RALGPS2: variants seen among roughly 807,000 people sequenced by gnomAD.
The protein encoded by RALGPS2 is ras-specific guanine nucleotide-releasing factor RalGPS2.
A neutral mutation model predicts 86.8 loss-of-function variants in RALGPS2; 43 were observed. That is an observed-to-expected ratio of 0.50 (90% CI 0.39 to 0.64). RALGPS2 has a LOEUF of 0.64. Ranked by LOEUF, RALGPS2 falls within the 30% of genes least tolerant of loss-of-function variation. The probability of loss-of-function intolerance (pLI) is 0.00; values close to 1 mark genes in which losing one functional copy is unlikely to be tolerated. For missense variants in RALGPS2, 536 were observed against 694.6 expected, an observed-to-expected ratio of 0.77 and a Z score of 2.57; for synonymous variants, 243 against 231.3, an observed-to-expected ratio of 1.05 and a Z score of -0.46.
chr1:178,806,288 A>G (rs1307938263), intron 4 of RALGPS2, among the ~76,000 whole-genome samples: 1 of 152,214 alleles, frequency 6.6e-6, no homozygotes, highest in African/African-American at 2.4e-5. Context: ...TGTTGGATAT[A>G]GAATTCTAGA....
rs12123784 is a variant in RALGPS2 at position 178,850,503 on chromosome 1, G to A, written c.607+16953G>A. 2.0e-5 allele frequency: 3 copies of A among 150,388 alleles called. No individual in the cohort carries two copies. In the East Asian group the frequency reaches 5.8e-4, roughly 29 times the overall value. 9.3% of individuals were successfully genotyped at this position (150,388 alleles called of 1,614,324 possible). A position where few individuals can be genotyped will look rare whatever the true frequency, so the allele number is the denominator to read the frequency against. On this transcript the variant is annotated intron_variant, in intron 8 of 19. Coordinates refer to ENST00000367635, the MANE Select transcript of RALGPS2 (RefSeq NM_152663.5). ...TTTAAATTATGCATGCATTATTTTT[G>A]GGTTTTTTTTTATTTTTAAAAATGA...
intron 2 of RALGPS2, 111 bp downstream of exon 2, chr1:178,776,932 C>A: frequency 1.3e-6 from 1 of 778,678 alleles, no homozygotes; most frequent in South Asian, 1.9e-5. Flanking sequence ...TGCAGAAATA[C>A]ACATTTCCTT....
At chr1:178,728,819 A>G (rs565810403) in intron 1 of RALGPS2, among the ~76,000 whole-genome samples, 38 of 152,194 alleles carry the variant, frequency 2.5e-4, no homozygotes, top group Non-Finnish European at 5.4e-4. Context: ...TGATTTAGGA[A>G]AACTTTTAAC....
chr1:178,877,656 G>C, intron 9 of RALGPS2, 21 bp downstream of exon 9: 1 of 1,610,936 alleles, frequency 6.2e-7, no homozygotes. Flanking sequence ...AGGGGATAAT[G>C]CCAAGCCATT....
chr1:178,829,964 C>T (rs759943114), intron 7 of RALGPS2, among the ~76,000 whole-genome samples: 4 of 152,000 alleles, frequency 2.6e-5, no homozygotes, highest in Non-Finnish European at 4.4e-5. Flanking sequence ...AGGCTGGTCT[C>T]GAACTCCTGA....
chr1:178,893,821 A>T, intron 15 of RALGPS2, 98 bp from the exon 16 acceptor site: 1 of 790,964 alleles, frequency 1.3e-6, no homozygotes, highest in East Asian at 2.8e-5. Context: ...TAAAGTAACA[A>T]ACTTTTAAAA....
At chr1:178,810,615 A>C (rs1654932478) in intron 5 of RALGPS2, among the ~76,000 whole-genome samples, 1 of 151,798 alleles carries the variant, frequency 6.6e-6, no homozygotes, top group African/African-American at 2.4e-5. Context: ...AACAAGTATT[A>C]AGGTGACTTT....
chr1:178,727,289 T>A (rs1650078670), intron 1 of RALGPS2, among the ~76,000 whole-genome samples: 1 of 152,128 alleles, frequency 6.6e-6, no homozygotes, highest in Admixed American at 6.5e-5. Context: ...GGTCTCAGAC[T>A]CCTGAGCTCA....
intron 8 of RALGPS2, chr1:178,853,453 T>C: frequency 1.3e-6 from 1 of 777,396 alleles, no homozygotes; most frequent in Non-Finnish European, 1.8e-6. Context: ...GAATCATTTT[T>C]TTGACAGATG....
chr1:178,787,344 C>T (rs1653704529), intron 4 of RALGPS2, among the ~76,000 whole-genome samples: 1 of 152,010 alleles, frequency 6.6e-6, no homozygotes, highest in Non-Finnish European at 1.5e-5. Flanking sequence ...TTTCTGGTAG[C>T]CACATTATAA....
intron 7 of RALGPS2, among the ~76,000 whole-genome samples, chr1:178,824,790 C>T (rs943070963): frequency 3.3e-5 from 5 of 151,036 alleles, no homozygotes; most frequent in Admixed American, 6.6e-5. Flanking sequence ...GCCTGTGCGA[C>T]AGAGCAAGAC....
intron 10 of RALGPS2, chr1:178,879,758 C>T (rs1659156265): frequency 6.9e-6 from 1 of 145,274 alleles, no homozygotes; most frequent in Non-Finnish European, 1.5e-5. Context: ...CATTGCACTC[C>T]AGCCTGGGCA....
intron 2 of RALGPS2, among the ~76,000 whole-genome samples, chr1:178,782,358 G>A (rs983200730): frequency 1.3e-5 from 2 of 152,118 alleles, no homozygotes; most frequent in Non-Finnish European, 1.5e-5. Context: ...GCTTCTAGCA[G>A]GAGGAGGAAA....
intron 8 of RALGPS2, among the ~76,000 whole-genome samples, chr1:178,873,813 C>T (rs1437142102): frequency 1.3e-5 from 2 of 152,218 alleles, no homozygotes; most frequent in Admixed American, 6.5e-5. Flanking sequence ...ACAAAATAGA[C>T]GAAGCAACCA....
intron 6 of RALGPS2, among the ~76,000 whole-genome samples, chr1:178,819,835 C>T (rs1228694059): frequency 6.6e-6 from 1 of 152,174 alleles, no homozygotes; most frequent in East Asian, 1.9e-4. Flanking sequence ...TGTATCAGAT[C>T]CTTCTCATCA....
chr1:178,856,646 A>G (rs1474872132), intron 8 of RALGPS2, among the ~76,000 whole-genome samples: 1 of 151,720 alleles, frequency 6.6e-6, no homozygotes, highest in Non-Finnish European at 1.5e-5. Flanking sequence ...CCTTAACACT[A>G]TACCCAACAA....
At chr1:178,775,947 A>G (rs1653062478) in intron 1 of RALGPS2, among the ~76,000 whole-genome samples, 1 of 150,876 alleles carries the variant, frequency 6.6e-6, no homozygotes, top group Non-Finnish European at 1.5e-5. Context: ...GGATGGTTGC[A>G]TCTGTACTGA....
chr1:178,765,148 C>A (rs957115225), intron 1 of RALGPS2, among the ~76,000 whole-genome samples: 2 of 151,566 alleles, frequency 1.3e-5, no homozygotes, highest in Admixed American at 6.6e-5. Flanking sequence ...ATTACCCAGT[C>A]TCAGGTATGT....
At chr1:178,767,878 A>T (rs1652592530) in intron 1 of RALGPS2, among the ~76,000 whole-genome samples, 1 of 152,166 alleles carries the variant, frequency 6.6e-6, no homozygotes, top group African/African-American at 2.4e-5. Flanking sequence ...CCGCCCTGCC[A>T]TCTAGGTGCT....
Sources: gnomAD v4.1 joint callset for allele counts (sites outside exome capture counted in the v4.1 genomes callset) on GRCh38, gnomAD v4.1.1 for gene constraint, MANE v1.5 for transcripts, NCBI Gene and HGNC (gene_info 2026-07-23, HGNC 2026-07-21) for gene names.